The following KCTD16 variants were observed in gnomAD, a reference collection of about 807,000 sequenced individuals.
KCTD16 encodes the protein potassium channel tetramerization domain containing 16.
In KCTD16, 13 loss-of-function variants were observed where a neutral mutation model predicts 33.2. That is an observed-to-expected ratio of 0.39 (90% CI 0.25 to 0.62). KCTD16 has a LOEUF of 0.62. Ranked by LOEUF, KCTD16 falls within the 20% of genes least tolerant of loss-of-function variation. The pLI is 0.50. For synonymous variants in KCTD16, 197 were observed against 195.3 expected (o/e 1.01, Z -0.07); for missense variants, 441 against 525.1 (o/e 0.84, Z 1.57).
At chr5:144,251,240 G>T (rs529130364) in intron 3 of KCTD16, among the ~76,000 whole-genome samples, 3 of 152,132 alleles carry the variant, frequency 2.0e-5, no homozygotes, top group Admixed American at 2.0e-4. Context: ...GATACAGAAA[G>T]GTAGTAGGGG....
chr5:144,321,916 C>A, intron 3 of KCTD16, among the ~76,000 whole-genome samples: 1 of 151,900 alleles, frequency 6.6e-6, no homozygotes. Context: ...ATATATTTTA[C>A]CTAACTAATC....
In KCTD16 at chr5:144,461,352, C is replaced by T. The variant is rs181420157; in HGVS notation, c.833-12308C>T. ...ATACCCCCACTTCCCAGCCTCTTTC[C>T]CTTCCCAGGTCGCCTACCTCAGAGA... On this transcript the variant is annotated intron_variant, in intron 3 of 3. Coordinates refer to ENST00000512467, the MANE Select transcript of KCTD16 (RefSeq NM_020768.4). Among the ~76,000 whole-genome samples, 286 of 152,256 alleles carry T rather than the reference C, an allele frequency of 1.9e-3. 1 individual carries two copies. Among genetic ancestry groups the T allele is most frequent in the African/African-American group, 6.6e-3 (276 of 41,542 alleles).
intron 3 of KCTD16, among the ~76,000 whole-genome samples, chr5:144,325,181 G>A (rs1420809358): frequency 6.6e-6 from 1 of 152,100 alleles, no homozygotes; most frequent in African/African-American, 2.4e-5. Context: ...GACAAAAAAT[G>A]ATGGCTATTA....
intron 3 of KCTD16, among the ~76,000 whole-genome samples, chr5:144,278,576 C>T (rs569646033): frequency 6.9e-6 from 1 of 145,534 alleles, no homozygotes; most frequent in Admixed American, 7.2e-5. Context: ...TGGCTCACTG[C>T]AAGCTCCGCT....
At chr5:144,454,429 CT>C (rs747475652) in intron 3 of KCTD16, among the ~76,000 whole-genome samples, 2 of 152,104 alleles carry the variant, frequency 1.3e-5, no homozygotes, top group Admixed American at 6.6e-5. Flanking sequence ...TTTTCCACCC[CT>C]GATAATATAT....
intron 3 of KCTD16, among the ~76,000 whole-genome samples, chr5:144,375,722 A>G (rs912640639): frequency 2.0e-5 from 3 of 152,156 alleles, no homozygotes; most frequent in Admixed American, 2.0e-4. Context: ...CCATTTGAAA[A>G]TGGAGAGGTG....
chr5:144,351,954 T>C (rs556400848), intron 3 of KCTD16, among the ~76,000 whole-genome samples: 162 of 152,270 alleles, frequency 1.1e-3, no homozygotes, highest in African/African-American at 3.8e-3. Flanking sequence ...GTTCAAGAGA[T>C]GCACTGTACA....
intron 2 of KCTD16, among the ~76,000 whole-genome samples, chr5:144,182,647 C>T (rs554766442): frequency 6.6e-6 from 1 of 152,176 alleles, no homozygotes; most frequent in African/African-American, 2.4e-5. Flanking sequence ...TTACCACACA[C>T]ACACCAGCGA....
intron 3 of KCTD16, among the ~76,000 whole-genome samples, chr5:144,442,342 C>G (rs975635969): frequency 5.9e-5 from 9 of 152,070 alleles, no homozygotes; most frequent in African/African-American, 1.9e-4. Context: ...GCACATGCCA[C>G]AGCCTTGTGT....
chr5:144,400,827 A>G (rs1009087402), intron 3 of KCTD16, among the ~76,000 whole-genome samples: 1 of 152,228 alleles, frequency 6.6e-6, no homozygotes, highest in Non-Finnish European at 1.5e-5. Context: ...AGACCTCTTT[A>G]AGGAGGAGGT....
chr5:144,303,232 G>A (rs568164802), intron 3 of KCTD16, among the ~76,000 whole-genome samples: 19 of 152,246 alleles, frequency 1.2e-4, no homozygotes, highest in African/African-American at 4.6e-4. Flanking sequence ...CATGTTTTCT[G>A]CAAGTGTTAT....
intron 3 of KCTD16, among the ~76,000 whole-genome samples, chr5:144,265,345 C>A (rs1184511418): frequency 2.6e-5 from 4 of 152,188 alleles, no homozygotes; most frequent in African/African-American, 9.6e-5. Context: ...TTTCCACTGA[C>A]ACTTTTATTT....
intron 3 of KCTD16, among the ~76,000 whole-genome samples, chr5:144,404,765 G>A (rs1213231652): frequency 6.6e-6 from 1 of 152,096 alleles, no homozygotes; most frequent in African/African-American, 2.4e-5. Context: ...TTTGCTTGGT[G>A]GGGAAATTTA....
intron 3 of KCTD16, among the ~76,000 whole-genome samples, chr5:144,464,626 G>A (rs1270140773): frequency 6.6e-6 from 1 of 152,180 alleles, no homozygotes; most frequent in Non-Finnish European, 1.5e-5. Context: ...CACATGACAT[G>A]TGATAGGTGC....
chr5:144,472,773 C>G (rs754991497), intron 3 of KCTD16, among the ~76,000 whole-genome samples: 5 of 152,050 alleles, frequency 3.3e-5, no homozygotes, highest in Non-Finnish European at 7.4e-5. Context: ...CAAAGTAGAA[C>G]TATAATTCAG....
intron 3 of KCTD16, among the ~76,000 whole-genome samples, chr5:144,219,512 C>CATTTTT (rs1371094017): frequency 2.1e-5 from 2 of 94,784 alleles, no homozygotes; most frequent in African/African-American, 8.2e-5. Flanking sequence ...CTGTGCTGGG[C>CATTTTT]CTTTTTTTTT....
Position 144,480,998 on chromosome 5 carries a change from A to G in KCTD16, c.*6884A>G, listed in dbSNP as rs1264326733. 2 of 152,034 alleles carry G rather than the reference A, an allele frequency of 1.3e-5. No homozygotes were observed. The highest frequency in any genetic ancestry group is 2.9e-5 in the Non-Finnish European group (2 of 67,946). 9.4% of individuals were successfully genotyped at this position (152,034 alleles called of 1,614,324 possible). A position where few individuals can be genotyped will look rare whatever the true frequency, so the allele number is the denominator to read the frequency against. ...TGAAGTTAGACATAATTATCTCTTT[A>G]TGCAGATGTGAAAGCTGAGATTTAC... is the stretch of plus-strand genomic sequence containing the variant. On this transcript the variant is annotated 3_prime_UTR_variant, in exon 4 of 4. Coordinates refer to ENST00000512467, the MANE Select transcript of KCTD16 (RefSeq NM_020768.4).
At chr5:144,299,539 T>G (rs1316961186) in intron 3 of KCTD16, among the ~76,000 whole-genome samples, 1 of 152,122 alleles carries the variant, frequency 6.6e-6, no homozygotes, top group African/African-American at 2.4e-5. Flanking sequence ...AAATAGGTTT[T>G]GTTTTGTTTT....
chr5:144,473,975 A>G lies in KCTD16; in HGVS notation c.1148A>G (p.Lys383Arg). 6.2e-7 allele frequency: 1 copy of G among 1,614,114 alleles called. No homozygotes were observed. The highest frequency in any genetic ancestry group is 8.5e-7 in the Non-Finnish European group (1 of 1,179,996). ...SRESNMSSKK[K>R]AVKEKLSIEE... ...GAATCGAACATGAGCAGCAAAAAAA[A>G]AGCTGTTAAAGAAAAGCTCTCAATT... The change falls in exon 4 of 4, where the codon AAA becomes AGA. Residue 383 changes from lysine to arginine, a missense_variant. Coordinates refer to ENST00000512467, the MANE Select transcript of KCTD16 (RefSeq NM_020768.4).
Sources: gnomAD v4.1 joint callset for allele counts (sites outside exome capture counted in the v4.1 genomes callset) on GRCh38, gnomAD v4.1.1 for gene constraint, MANE v1.5 for transcripts, NCBI Gene and HGNC (gene_info 2026-07-23, HGNC 2026-07-21) for gene names.